Variants in MICU3 observed in about 807,000 individuals in gnomAD.
MICU3 encodes calcium uptake protein 3, mitochondrial.
A neutral mutation model predicts 66.5 loss-of-function variants in MICU3; 62 were observed. The observed-to-expected ratio is 0.93, with a 90% confidence interval of 0.76 to 1.15. The LOEUF (loss-of-function observed/expected upper bound fraction) is 1.15. MICU3 is among the 50% of genes most tolerant of loss of function. The probability of loss-of-function intolerance (pLI) is 0.00; values close to 1 mark genes in which losing one functional copy is unlikely to be tolerated. For synonymous variants in MICU3, 308 were observed against 240.7 expected, an observed-to-expected ratio of 1.28 and a Z score of -2.59; for missense variants, 779 against 664.4, an observed-to-expected ratio of 1.17 and a Z score of -1.90.
At chr8:17,069,233 G>A (rs185419056) in intron 2 of MICU3, among the ~76,000 whole-genome samples, 1 of 151,936 alleles carries the variant, frequency 6.6e-6, no homozygotes, top group Non-Finnish European at 1.5e-5. Context: ...ATCCTAGAGA[G>A]ACCTGACCTG....
chr8:17,064,282 T>C (rs1158446991), intron 2 of MICU3, 45 bp downstream of exon 2: 1 of 1,496,378 alleles, frequency 6.7e-7, no homozygotes, highest in Admixed American at 1.9e-5. Context: ...ATAATTTTTT[T>C]ATCTCTAGCT....
At chr8:17,062,292 A>G (rs1817953544) in intron 1 of MICU3, among the ~76,000 whole-genome samples, 1 of 152,106 alleles carries the variant, frequency 6.6e-6, no homozygotes, top group Non-Finnish European at 1.5e-5. Context: ...ATTTGCTTGC[A>G]TTTAACCCAT....
Position 17,054,964 on chromosome 8 carries a change from C to T in MICU3, c.382-9120C>T, listed in dbSNP as rs143263111. Among the ~76,000 whole-genome samples, 1,273 of 152,070 alleles carry T rather than the reference C, an allele frequency of 8.4e-3. 14 individuals are homozygous for T. Among genetic ancestry groups the T allele is most frequent in the African/African-American group, 0.029 (1,201 of 41,454 alleles). On this transcript the variant is annotated intron_variant, in intron 1 of 14. Coordinates refer to ENST00000318063, the MANE Select transcript of MICU3 (RefSeq NM_181723.3). ...ATGTTGGCCAGGATGGTCTCGATCT[C>T]CTGACCCCGTGATCCGCCTGCCTCA...
chr8:17,118,761 C>T lies in MICU3; in HGVS notation c.1579C>T (p.Leu527Phe), dbSNP rs1369301862. Reference protein sequence around the residue: ...PTFKSCLKKELHSR With the variant: ...PTFKSCLKKEFHSR Reference sequence around the variant, plus strand: ...TTTCAAATCCTGCCTGAAGAAAGAACTTCACAGCAGATAAGTATGTTAGCT... The same window carrying T: ...TTTCAAATCCTGCCTGAAGAAAGAATTTCACAGCAGATAAGTATGTTAGCT... The change falls in exon 14 of 15, where the codon CTT (leucine) becomes TTT (phenylalanine). Residue 527 changes from leucine (L) to phenylalanine (F), a missense_variant. Coordinates refer to ENST00000318063, the MANE Select transcript of MICU3 (RefSeq NM_181723.3). The T allele has an allele frequency of 6.8e-6, 11 of 1,609,244 alleles. No homozygotes were observed. Among genetic ancestry groups the T allele is most frequent in the Non-Finnish European group, 9.4e-6 (11 of 1,175,974 alleles).
chr8:17,116,605 A>G lies in MICU3; in HGVS notation c.1524+5A>G. The G allele has an allele frequency of 1.3e-6, 2 of 1,547,598 alleles. No homozygotes were observed. The highest frequency in any genetic ancestry group is 8.7e-7 in the Non-Finnish European group (1 of 1,154,544). ...AGACTCCATAGAGGATTCCGGGTAA[A>G]CCTACACATTTTAAACCTATTGATA... On this transcript the variant is annotated splice_donor_5th_base_variant and intron_variant, in intron 13 of 14. Coordinates refer to ENST00000318063, the MANE Select transcript of MICU3 (RefSeq NM_181723.3).
the MICU3 span, among the ~76,000 whole-genome samples, chr8:17,130,503 ACT>A: frequency 6.6e-6 from 1 of 151,688 alleles, no homozygotes; most frequent in African/African-American, 2.4e-5. Context: ...TGGGAGCAAG[ACT>A]CTGTCTCAAA....
chr8:17,100,875 A>G (rs1801200352), intron 9 of MICU3, among the ~76,000 whole-genome samples: 1 of 151,814 alleles, frequency 6.6e-6, no homozygotes, highest in South Asian at 2.1e-4. Flanking sequence ...ACAGTCTGTC[A>G]GTGTCAAAAT....
intron 13 of MICU3, among the ~76,000 whole-genome samples, chr8:17,117,545 G>GT (rs973698998): frequency 1.1e-4 from 16 of 150,374 alleles, no homozygotes; most frequent in African/African-American, 3.4e-4. Flanking sequence ...AAAATGTTCT[G>GT]TTAAAATTAA....
At chr8:17,075,202 G>A (rs185935209) in intron 3 of MICU3, among the ~76,000 whole-genome samples, 58 of 136,694 alleles carry the variant, frequency 4.2e-4, no homozygotes, top group Middle Eastern at 3.6e-3. Context: ...GTGTGTCACC[G>A]TCCTAGCACA....
At chr8:17,086,940 A>C (rs1291295820) in intron 6 of MICU3, 24 bp from the exon 7 acceptor site, 1 of 1,511,414 alleles carries the variant, frequency 6.6e-7, no homozygotes, top group Non-Finnish European at 9.2e-7. Context: ...TGGATATTTG[A>C]TTCTTGATTG....
intron 3 of MICU3, among the ~76,000 whole-genome samples, chr8:17,073,504 A>G (rs1272214860): frequency 2.0e-5 from 3 of 152,084 alleles, no homozygotes; most frequent in Non-Finnish European, 4.4e-5. Context: ...ACTCCCACTG[A>G]TTGTACATTA....
chr8:17,115,822 G>C (rs1287718273), intron 12 of MICU3, among the ~76,000 whole-genome samples: 2 of 152,054 alleles, frequency 1.3e-5, no homozygotes, highest in Non-Finnish European at 2.9e-5. Context: ...GATGTCCCCT[G>C]CTCCACCCAA....
At chr8:17,049,729 A>G in intron 1 of MICU3, 1 of 490,530 alleles carries the variant, frequency 2.0e-6, no homozygotes, top group East Asian at 6.6e-5. Flanking sequence ...TCCCAGACCC[A>G]TTTGCTGCCT....
Position 17,122,339 on chromosome 8 carries a change from C to T in MICU3, c.*2052C>T, listed in dbSNP as rs557981018. ...TATCTCACTGAATTGTTACTTATAT[C>T]AATTTAAAATTTGCTAGTGGTTTGA... is the stretch of plus-strand genomic sequence containing the variant. On this transcript the variant is annotated 3_prime_UTR_variant, in exon 15 of 15. Transcript: ENST00000318063. 6.6e-6 allele frequency: 1 copy of T among 151,858 alleles called. No homozygotes were observed. The highest frequency in any genetic ancestry group is 2.1e-4 in the South Asian group (1 of 4,812). The allele number at this position is 151,858 out of a possible 1,614,324, so 9.4% of individuals were successfully genotyped here.
chr8:17,046,661 A>C (rs893450334), intron 1 of MICU3, among the ~76,000 whole-genome samples: 5 of 152,082 alleles, frequency 3.3e-5, no homozygotes, highest in Admixed American at 6.6e-5. Flanking sequence ...TTTAGTGCTC[A>C]TGTGGGGACA....
Position 17,085,300 on chromosome 8 carries a change from TA to T in MICU3, c.765del (p.Glu256SerfsTer59). 1.2e-6 allele frequency: 2 copies of T among 1,607,886 alleles called. No individual in the cohort carries two copies. Among genetic ancestry groups the T allele is most frequent in the Non-Finnish European group, 1.7e-6 (2 of 1,175,512 alleles). On this transcript the variant is annotated frameshift_variant, in exon 6 of 15. Transcript: ENST00000318063. LOFTEE classifies it high-confidence loss of function. Reference protein sequence around the residue: ...FDTDGNEMVDKKEFLVLQEIF... With the variant: ...FDTDGNEMVDXKEFLVLQEIF... ...ACACTGATGGCAATGAGATGGTGGA[TA>T]AAAAAGAGTTTTTGGTGGTATGTAT...
chr8:17,088,102 G>C (rs561698039), intron 7 of MICU3, among the ~76,000 whole-genome samples: 1 of 151,990 alleles, frequency 6.6e-6, no homozygotes, highest in Admixed American at 6.6e-5. Flanking sequence ...TATTTATGAA[G>C]TGTACGTTTA....
downstream of MICU3, among the ~76,000 whole-genome samples, chr8:17,123,478 G>A (rs1563410864): frequency 6.6e-6 from 1 of 152,032 alleles, no homozygotes; most frequent in African/African-American, 2.4e-5. Context: ...AAAAATAAAT[G>A]TAAAGAAGTG....
In MICU3 at chr8:17,104,378, A is replaced by ATT; in HGVS notation, c.985-5_985-4dup. The ATT allele has an allele frequency of 7.7e-7, 1 of 1,304,558 alleles. No individual in the cohort carries two copies. Among genetic ancestry groups the ATT allele is most frequent in the Non-Finnish European group, 1.0e-6 (1 of 988,108 alleles). 80.8% of individuals were successfully genotyped at this position (1,304,558 alleles called of 1,614,324 possible). A position where few individuals can be genotyped will look rare whatever the true frequency, so the allele number is the denominator to read the frequency against. On this transcript the variant is annotated splice_polypyrimidine_tract_variant and intron_variant, in intron 9 of 14. Transcript: ENST00000318063. ...TATTGAAGCTAACTTTTAAATTGTG[A>ATT]TTTTTTTTTAAGCGTGCTGATGACA...
Sources: allele counts gnomAD v4.1 joint callset (sites outside exome capture counted in the v4.1 genomes callset), GRCh38; gene constraint gnomAD v4.1.1; transcripts MANE v1.5; gene names NCBI Gene and HGNC (gene_info 2026-07-23, HGNC 2026-07-21).